The following ATRNL1 variants were observed in gnomAD, a reference collection of about 807,000 sequenced individuals.
ATRNL1 encodes attractin like 1, also known as attractin-like protein 1.
ATRNL1 carries 95 observed loss-of-function variants against 182.7 expected under a neutral mutation model. That is an observed-to-expected ratio of 0.52 (90% CI 0.44 to 0.62). The LOEUF is 0.62. ATRNL1 is among the 20% of genes least tolerant of loss of function. The pLI, the probability that ATRNL1 is intolerant of heterozygous loss-of-function variation, is 0.00. For missense variants in ATRNL1, 1,471 were observed against 1,679.5 expected (o/e 0.88, Z 2.17); for synonymous variants, 576 against 568.3 (o/e 1.01, Z -0.19).
intron 22 of ATRNL1, among the ~76,000 whole-genome samples, chr10:115,462,817 A>G (rs1382644694): frequency 6.6e-6 from 1 of 152,080 alleles, no homozygotes; most frequent in Non-Finnish European, 1.5e-5. Flanking sequence ...AATATATGAA[A>G]GATTCATTGT....
intron 24 of ATRNL1, among the ~76,000 whole-genome samples, chr10:115,475,165 A>G (rs1225662315): frequency 6.6e-6 from 1 of 151,550 alleles, no homozygotes; most frequent in African/African-American, 2.4e-5. Context: ...TTCTTTTTCC[A>G]CTTGCATCTA....
chr10:115,312,893 G>C (rs1372964789), intron 17 of ATRNL1, among the ~76,000 whole-genome samples: 1 of 151,938 alleles, frequency 6.6e-6, no homozygotes, highest in Non-Finnish European at 1.5e-5. Flanking sequence ...CTTTGTCTTA[G>C]AGTAGTATTT....
intron 13 of ATRNL1, among the ~76,000 whole-genome samples, chr10:115,273,331 T>C (rs1229315068): frequency 6.6e-6 from 1 of 152,206 alleles, no homozygotes; most frequent in Non-Finnish European, 1.5e-5. Context: ...AAATACTCTT[T>C]TGCTGATGTC....
chr10:115,259,086 T>C (rs559553680), intron 10 of ATRNL1, among the ~76,000 whole-genome samples: 76 of 152,282 alleles, frequency 5.0e-4, no homozygotes, highest in Admixed American at 1.8e-3. Context: ...AGGGACCCAC[T>C]TGAGGAGGCA....
chr10:115,532,941 G>A lies in ATRNL1; in HGVS notation c.3716+13617G>A, dbSNP rs554993781. On this transcript the variant is annotated intron_variant, in intron 25 of 28. Transcript: ENST00000355044. ...TTATTGATTTGCGTATATTGAACCA[G>A]CCTTGCATCCCAGGGATGAAGCCCA... 2.6e-4 allele frequency among the ~76,000 whole-genome samples: 39 copies of A among 150,860 alleles called. 1 individual carries two copies. In the South Asian group the frequency reaches 7.9e-3, roughly 31 times the overall value.
intron 19 of ATRNL1, among the ~76,000 whole-genome samples, chr10:115,335,407 A>C (rs1044360313): frequency 3.3e-5 from 5 of 152,208 alleles, no homozygotes; most frequent in Admixed American, 3.3e-4. Flanking sequence ...GCTTTTAAAA[A>C]TATGGCTGTC....
intron 28 of ATRNL1, among the ~76,000 whole-genome samples, chr10:115,855,646 G>A (rs1209210791): frequency 3.3e-5 from 5 of 152,048 alleles, no homozygotes; most frequent in Admixed American, 1.3e-4. Flanking sequence ...TATACTTTAC[G>A]ATGTAAAGTT....
At chr10:115,732,868 A>G (rs1555063605) in intron 27 of ATRNL1, among the ~76,000 whole-genome samples, 1 of 152,176 alleles carries the variant, frequency 6.6e-6, no homozygotes, top group East Asian at 1.9e-4. Flanking sequence ...CAGGTGCTCA[A>G]ATAGTCATAG....
chr10:115,666,832 C>G (rs928734888), intron 26 of ATRNL1, among the ~76,000 whole-genome samples: 2 of 152,082 alleles, frequency 1.3e-5, no homozygotes, highest in Non-Finnish European at 2.9e-5. Flanking sequence ...CTACCCTATT[C>G]ACAAGACTAG....
chr10:115,890,732 T>A (rs1952059850), intron 28 of ATRNL1, among the ~76,000 whole-genome samples: 2 of 152,202 alleles, frequency 1.3e-5, no homozygotes, highest in Non-Finnish European at 2.9e-5. Flanking sequence ...AGCCCCGTAA[T>A]GATGCCTACT....
chr10:115,440,640 C>T (rs528886355), intron 21 of ATRNL1, among the ~76,000 whole-genome samples: 1,896 of 151,920 alleles, frequency 0.012, 16 homozygotes, highest in Middle Eastern at 0.037. Context: ...TTATAGTTAT[C>T]AGTCCTTAGC....
intron 26 of ATRNL1, among the ~76,000 whole-genome samples, chr10:115,702,539 C>T (rs1565301350): frequency 6.6e-6 from 1 of 151,886 alleles, no homozygotes; most frequent in Non-Finnish European, 1.5e-5. Flanking sequence ...ACTTAGAAAA[C>T]ACTAAAGACT....
intron 19 of ATRNL1, among the ~76,000 whole-genome samples, chr10:115,383,542 T>A (rs554133834): frequency 2.0e-5 from 3 of 152,082 alleles, no homozygotes; most frequent in South Asian, 2.1e-4. Context: ...TTTATAAAAT[T>A]GAATATAATA....
chr10:115,442,304 TG>T (rs1846736001), intron 21 of ATRNL1, among the ~76,000 whole-genome samples: 1 of 48,884 alleles, frequency 2.0e-5, no homozygotes, highest in South Asian at 7.1e-4. Context: ...TCTCTCTCTC[TG>T]TGTGTATGTG....
intron 27 of ATRNL1, among the ~76,000 whole-genome samples, chr10:115,812,440 C>T (rs10885816): frequency 0.2 from 30,749 of 152,040 alleles, 3,522 homozygotes; most frequent in South Asian, 0.29. Flanking sequence ...CTTCAAAGGG[C>T]CAATTTTTTA....
intron 8 of ATRNL1, among the ~76,000 whole-genome samples, chr10:115,189,744 G>C (rs1301318281): frequency 6.6e-6 from 1 of 151,834 alleles, no homozygotes; most frequent in African/African-American, 2.4e-5. Context: ...ATTGAAGGAA[G>C]AAAAATATTT....
At chr10:115,793,447 A>G (rs1193329526) in intron 27 of ATRNL1, among the ~76,000 whole-genome samples, 2 of 152,122 alleles carry the variant, frequency 1.3e-5, no homozygotes, top group African/African-American at 2.4e-5. Flanking sequence ...AAATATATTC[A>G]TATAATAGTA....
chr10:115,171,334 T>C (rs1554885553), intron 8 of ATRNL1, 42 bp downstream of exon 8: 1 of 1,477,004 alleles, frequency 6.8e-7, no homozygotes, highest in East Asian at 2.4e-5. Flanking sequence ...TGATTGGGAA[T>C]GTTTTTCTCT....
At chr10:115,130,000 TA>T (rs552509180) in intron 5 of ATRNL1, among the ~76,000 whole-genome samples, 1 of 152,228 alleles carries the variant, frequency 6.6e-6, no homozygotes, top group Non-Finnish European at 1.5e-5. Flanking sequence ...AGAACTAGAC[TA>T]TTTTTAAAAG....
Sources: allele counts gnomAD v4.1 joint callset (sites outside exome capture counted in the v4.1 genomes callset), GRCh38; gene constraint gnomAD v4.1.1; transcripts MANE v1.5; gene names NCBI Gene and HGNC (gene_info 2026-07-23, HGNC 2026-07-21).